The following SPOCK3 variants were observed in gnomAD, a reference collection of about 807,000 sequenced individuals.
SPOCK3 encodes testican-3.
SPOCK3 carries 30 observed loss-of-function variants against 56.6 expected under a neutral mutation model. The ratio of observed to expected loss-of-function variants is 0.53; its 90% CI spans 0.40 to 0.72. SPOCK3 has a LOEUF of 0.72. SPOCK3 is among the 30% of genes least tolerant of loss of function. The pLI, the probability that SPOCK3 is intolerant of heterozygous loss-of-function variation, is 0.00. For synonymous variants in SPOCK3, 196 were observed against 183.3 expected (o/e 1.07, Z -0.56); for missense variants, 527 against 530.0 (o/e 0.99, Z 0.06).
chr4:167,177,344 AT>A, intron 2 of SPOCK3, among the ~76,000 whole-genome samples: 1 of 152,114 alleles, frequency 6.6e-6, no homozygotes, highest in East Asian at 1.9e-4. Flanking sequence ...ACACTAATTA[AT>A]TTTATCATCA....
At chr4:166,961,291 A>G (rs915702952) in intron 4 of SPOCK3, among the ~76,000 whole-genome samples, 2 of 152,044 alleles carry the variant, frequency 1.3e-5, no homozygotes, top group African/African-American at 4.8e-5. Flanking sequence ...GAGTGCATAG[A>G]ATACATTTGC....
At chr4:167,204,733 T>C (rs1733856823) in intron 2 of SPOCK3, among the ~76,000 whole-genome samples, 1 of 151,838 alleles carries the variant, frequency 6.6e-6, no homozygotes. Flanking sequence ...GAGAAAAAAA[T>C]CATCTTCTAA....
chr4:167,182,818 G>C (rs1731607274), intron 2 of SPOCK3, among the ~76,000 whole-genome samples: 1 of 152,166 alleles, frequency 6.6e-6, no homozygotes, highest in African/African-American at 2.4e-5. Flanking sequence ...TTACAGGCGT[G>C]AGCCACTGTG....
intron 2 of SPOCK3, among the ~76,000 whole-genome samples, chr4:167,186,978 C>CA (rs67424272): frequency 0.013 from 1,144 of 88,234 alleles, 14 homozygotes; most frequent in African/African-American, 0.031. Context: ...CTCTGTGCCT[C>CA]AAAAAAAAAA....
At chr4:167,144,474 A>G (rs968811409) in intron 2 of SPOCK3, among the ~76,000 whole-genome samples, 1 of 151,976 alleles carries the variant, frequency 6.6e-6, no homozygotes, top group African/African-American at 2.4e-5. Flanking sequence ...TCAGTTTGCA[A>G]GTTTTTAATA....
At chr4:167,143,113 G>A (rs1363378319) in intron 2 of SPOCK3, among the ~76,000 whole-genome samples, 1 of 151,974 alleles carries the variant, frequency 6.6e-6, no homozygotes, top group Non-Finnish European at 1.5e-5. Context: ...TATGTCCTTT[G>A]AGCACTATTC....
intron 7 of SPOCK3, among the ~76,000 whole-genome samples, chr4:166,764,242 C>A (rs899113368): frequency 2.0e-5 from 3 of 152,010 alleles, no homozygotes; most frequent in Non-Finnish European, 4.4e-5. Flanking sequence ...GCACAACGTG[C>A]AGGTTTGTTA....
chr4:166,959,476 G>C (rs2150053673), intron 4 of SPOCK3, among the ~76,000 whole-genome samples: 1 of 152,180 alleles, frequency 6.6e-6, no homozygotes, highest in Non-Finnish European at 1.5e-5. Flanking sequence ...AGCCGGGCAT[G>C]GTGGCACACA....
rs1167757824 is a variant in SPOCK3, at chr4:166,986,050, A to C, written c.350+14299T>G. Reference sequence around the variant, plus strand: ...TTCACTTCAAACTTAACTCTTCTAAATTTTCCAAATCTACAATACTATCAT... The same window carrying C: ...TTCACTTCAAACTTAACTCTTCTAACTTTTCCAAATCTACAATACTATCAT... On this transcript the variant is annotated intron_variant, in intron 4 of 10. Transcript: ENST00000357545. 1.3e-5 allele frequency among the ~76,000 whole-genome samples: 2 copies of C among 152,162 alleles called. 1 individual carries two copies. Among genetic ancestry groups the C allele is most frequent in the Admixed American group, 1.3e-4 (2 of 15,268 alleles).
intron 2 of SPOCK3, among the ~76,000 whole-genome samples, chr4:167,161,483 A>C (rs527834374): frequency 1.3e-5 from 2 of 152,026 alleles, no homozygotes; most frequent in Non-Finnish European, 2.9e-5. Flanking sequence ...TCAGTGTGGC[A>C]ATTCCTCAGG....
chr4:166,904,309 A>T (rs1386636264), intron 5 of SPOCK3, among the ~76,000 whole-genome samples: 1 of 151,926 alleles, frequency 6.6e-6, no homozygotes, highest in Admixed American at 6.6e-5. Context: ...AAATTAACGC[A>T]TTAGCTTAAT....
At chr4:166,828,820 G>T (rs551043762) in intron 6 of SPOCK3, among the ~76,000 whole-genome samples, 10 of 151,998 alleles carry the variant, frequency 6.6e-5, no homozygotes, top group African/African-American at 2.4e-4. Context: ...TATTTCTTTT[G>T]ACCATGGATC....
At chr4:166,860,813 A>ATATATATATATATATATATATG (rs1560943167) in intron 6 of SPOCK3, among the ~76,000 whole-genome samples, 7 of 144,570 alleles carry the variant, frequency 4.8e-5, no homozygotes, top group Non-Finnish European at 7.6e-5. Context: ...ATATATATAT[A>ATATATATATATATATATATATG]TATGTATATA....
intron 3 of SPOCK3, chr4:167,011,227 A>G (rs1442594050): frequency 4.4e-6 from 2 of 453,524 alleles, no homozygotes; most frequent in African/African-American, 4.0e-5. Context: ...CTTACCTGGC[A>G]AGTACTAATC....
chr4:167,052,462 G>C (rs1245961654), intron 3 of SPOCK3, among the ~76,000 whole-genome samples: 3 of 152,162 alleles, frequency 2.0e-5, no homozygotes, highest in Non-Finnish European at 4.4e-5. Flanking sequence ...CAGGGAACTT[G>C]TCCAAAAATA....
chr4:166,910,703 A>C (rs1737174741), intron 5 of SPOCK3, among the ~76,000 whole-genome samples: 1 of 152,176 alleles, frequency 6.6e-6, no homozygotes, highest in Non-Finnish European at 1.5e-5. Context: ...TGTCAGCAGA[A>C]GCCAGTAGAC....
rs141130981 is a variant in SPOCK3 at position 166,770,230 on chromosome 4, C to T, written c.710-15501G>A. On this transcript the variant is annotated intron_variant, in intron 7 of 10. Transcript: ENST00000357545. Reference sequence around the variant, plus strand: ...TCCGATAAGCCCCAGTGAGATGAACCGGGTACCTCAGTTGGAAATGCAGAA... The same window carrying T: ...TCCGATAAGCCCCAGTGAGATGAACTGGGTACCTCAGTTGGAAATGCAGAA... Among the ~76,000 whole-genome samples the T allele has an allele frequency of 4.8e-3, 728 of 152,162 alleles. 7 individuals are homozygous for T. The highest frequency in any genetic ancestry group is 0.016 in the African/African-American group (679 of 41,520).
intron 6 of SPOCK3, among the ~76,000 whole-genome samples, chr4:166,825,887 AG>A (rs1249131048): frequency 5.3e-5 from 8 of 152,018 alleles, no homozygotes; most frequent in Non-Finnish European, 1.0e-4. Flanking sequence ...TTGAGGACTC[AG>A]GGGGAAGGTT....
chr4:167,234,655 A>C (rs1737546215), upstream of SPOCK3: 2 of 165,660 alleles, frequency 1.2e-5, no homozygotes, highest in South Asian at 2.0e-4. Flanking sequence ...TCCCTCCCCG[A>C]CCTCCGTTTT....
Sources: allele counts gnomAD v4.1 joint callset (sites outside exome capture counted in the v4.1 genomes callset), GRCh38; gene constraint gnomAD v4.1.1; transcripts MANE v1.5; gene names NCBI Gene and HGNC (gene_info 2026-07-23, HGNC 2026-07-21).